Variants in SMYD3 observed in about 807,000 individuals in gnomAD.
The protein encoded by SMYD3 is histone-lysine N-methyltransferase SMYD3.
A neutral mutation model predicts 57.7 loss-of-function variants in SMYD3; 36 were observed. That is an observed-to-expected ratio of 0.62 (90% CI 0.48 to 0.82). The LOEUF is 0.82. SMYD3 is among the 40% of genes least tolerant of loss of function. The pLI, the probability that SMYD3 is intolerant of heterozygous loss-of-function variation, is 0.00. For synonymous variants in SMYD3, 211 were observed against 195.0 expected (o/e 1.08, Z -0.68); for missense variants, 515 against 538.8 (o/e 0.96, Z 0.44).
Position 246,202,970 on chromosome 1 carries a change from C to T in SMYD3, c.531+124231G>A, listed in dbSNP as rs2062943036. Among the ~76,000 whole-genome samples the T allele has an allele frequency of 1.3e-5, 2 of 151,966 alleles. No homozygotes were observed. Among genetic ancestry groups the T allele is most frequent in the Admixed American group, 1.3e-4 (2 of 15,260 alleles). ...GGAAAACCCGTCTCTACTAAAAATA[C>T]AAAATTTAGCTGGTCGTGGTGGTGG... On this transcript the variant is annotated intron_variant, in intron 5 of 11. Transcript: ENST00000490107. The surrounding 1 kb of genome is among the most constrained non-coding windows in gnomAD (Gnocchi z 4.1).
rs1169643864 is a variant in SMYD3, at chr1:246,327,325, A to C, written c.407T>G (p.Leu136Arg). ...GAGGCCCTCTTTCTTATCTTCAGTCAGTTTGTTAATATCTTTTTTAAAGAG... is the reference window on the plus strand; with the variant it reads ...GAGGCCCTCTTTCTTATCTTCAGTCCGTTTGTTAATATCTTTTTTAAAGAG... ...FYDLESNINKLTEDKKEGLRQ... is the reference protein window; with the variant it reads ...FYDLESNINKRTEDKKEGLRQ... The change falls in exon 5 of 12, where the codon CTG (leucine) becomes CGG (arginine). Residue 136 changes from leucine to arginine, a missense_variant. Leu to Arg is a moderately radical substitution (Grantham distance 102). Coordinates refer to ENST00000490107, the MANE Select transcript of SMYD3 (RefSeq NM_001167740.2). 3 of 1,611,586 alleles carry C rather than the reference A, an allele frequency of 1.9e-6. No individual in the cohort carries two copies. The South Asian group carries it at 3.3e-5, about 18-fold the overall frequency.
chr1:246,046,660 A>T (rs116462123), intron 5 of SMYD3, among the ~76,000 whole-genome samples: 20,490 of 147,464 alleles, frequency 0.14, 1,645 homozygotes, highest in East Asian at 0.39. Context: ...TATTTTATAT[A>T]TTTTTTTAAT....
chr1:245,839,573 T>C (rs1473378637), intron 10 of SMYD3, among the ~76,000 whole-genome samples: 4 of 148,874 alleles, frequency 2.7e-5, no homozygotes. Flanking sequence ...CCAAGGAGCA[T>C]AGTTTTCTGG....
chr1:246,002,254 G>C (rs536279515), intron 5 of SMYD3, among the ~76,000 whole-genome samples: 13 of 139,790 alleles, frequency 9.3e-5, no homozygotes, highest in Non-Finnish European at 1.9e-4. Context: ...GCGCGATCTC[G>C]GCTCACTGCA....
chr1:246,031,312 G>A (rs61839435), intron 5 of SMYD3, among the ~76,000 whole-genome samples: 12,950 of 151,942 alleles, frequency 0.085, 798 homozygotes, highest in Admixed American at 0.21. Flanking sequence ...ACCAACTTCT[G>A]GAATCTTATT....
chr1:246,383,332 G>C (rs1363231353), intron 1 of SMYD3, among the ~76,000 whole-genome samples: 1 of 152,140 alleles, frequency 6.6e-6, no homozygotes, highest in African/African-American at 2.4e-5. Context: ...ATCTTTCTGA[G>C]AACGTTCTCC....
chr1:246,291,184 A>C (rs1183611818), intron 5 of SMYD3, among the ~76,000 whole-genome samples: 2 of 152,178 alleles, frequency 1.3e-5, no homozygotes, highest in African/African-American at 4.8e-5. Context: ...CAGCTTGCTA[A>C]CAAATTAGGG....
intron 10 of SMYD3, among the ~76,000 whole-genome samples, chr1:245,811,202 C>T (rs929023805): frequency 6.6e-6 from 1 of 152,150 alleles, no homozygotes; most frequent in African/African-American, 2.4e-5. Flanking sequence ...GTAAACAGAG[C>T]GCTGAAGTGC....
At chr1:246,114,900 G>A (rs1375760013) in intron 5 of SMYD3, among the ~76,000 whole-genome samples, 1 of 105,832 alleles carries the variant, frequency 9.4e-6, no homozygotes, top group Non-Finnish European at 2.7e-5. Context: ...AAAGTACTAG[G>A]ATTACAGGCG....
chr1:246,251,188 G>A (rs1202180367), intron 5 of SMYD3, among the ~76,000 whole-genome samples: 1 of 152,192 alleles, frequency 6.6e-6, no homozygotes, highest in African/African-American at 2.4e-5. Flanking sequence ...TGGGAGCAGG[G>A]GTTGTGTTCC....
chr1:245,927,751 G>A (rs1286977898), intron 7 of SMYD3, among the ~76,000 whole-genome samples, 180 bp downstream of exon 7: 1 of 152,186 alleles, frequency 6.6e-6, no homozygotes, highest in East Asian at 1.9e-4. Context: ...TAGCCCATTT[G>A]TAATTTGGGA....
chr1:246,158,078 C>T (rs1161653101), intron 5 of SMYD3, among the ~76,000 whole-genome samples: 1 of 152,172 alleles, frequency 6.6e-6, no homozygotes, highest in Non-Finnish European at 1.5e-5. Flanking sequence ...GCTGGGGAAG[C>T]ACAGGTTTCA....
At position 245,989,694 on chromosome 1, in the gene SMYD3, A is replaced by G. The variant is rs183103996; in HGVS notation, c.532-59757T>C. Among the ~76,000 whole-genome samples the G allele has an allele frequency of 1.9e-3, 289 of 152,346 alleles. 2 individuals are homozygous for G. The highest frequency in any genetic ancestry group is 3.6e-3 in the Non-Finnish European group (246 of 68,030). ...AAACATTCTCCATCTTGCACTGCTG[A>G]TTTCCAATGACAAGTGGGGCTTCCC... On this transcript the variant is annotated intron_variant, in intron 5 of 11. Transcript: ENST00000490107.
intron 5 of SMYD3, among the ~76,000 whole-genome samples, chr1:245,966,529 A>G (rs1465159582): frequency 1.3e-5 from 2 of 152,234 alleles, no homozygotes; most frequent in African/African-American, 2.4e-5. Flanking sequence ...GTGAAAAACA[A>G]AGGCAAAAAG....
chr1:245,920,042 G>C (rs1002120604), intron 7 of SMYD3, among the ~76,000 whole-genome samples: 4 of 152,090 alleles, frequency 2.6e-5, no homozygotes, highest in East Asian at 1.9e-4. Context: ...GGCCGGCCAC[G>C]GTGGCTCACG....
rs140803609 is a variant in SMYD3 at position 246,432,679 on chromosome 1, T to C, written c.164+74375A>G. Reference sequence around the variant, plus strand: ...GCTCGCTTGGTCTTGACTGCCTAACTGATGGCAGACTATTATCTAAAGCAT... The same window carrying C: ...GCTCGCTTGGTCTTGACTGCCTAACCGATGGCAGACTATTATCTAAAGCAT... On this transcript the variant is annotated intron_variant, in intron 1 of 11. Transcript: ENST00000490107. Among the ~76,000 whole-genome samples the C allele has an allele frequency of 9.8e-4, 149 of 152,330 alleles. 1 individual carries two copies. In the East Asian group the frequency reaches 0.021, roughly 22 times the overall value.
chr1:245,938,954 T>C (rs1022376212), intron 5 of SMYD3, among the ~76,000 whole-genome samples: 1 of 152,054 alleles, frequency 6.6e-6, no homozygotes, highest in Non-Finnish European at 1.5e-5. Context: ...AAGACCACCC[T>C]GGCCAACATG....
intron 5 of SMYD3, chr1:246,188,934 T>C (rs2062689694): frequency 6.6e-6 from 1 of 150,524 alleles, no homozygotes; most frequent in African/African-American, 2.5e-5. Flanking sequence ...CACTCCAGCC[T>C]GCGTGACAGA....
intron 5 of SMYD3, among the ~76,000 whole-genome samples, chr1:246,190,205 C>T: frequency 6.6e-6 from 1 of 151,714 alleles, no homozygotes; most frequent in East Asian, 2.0e-4. Flanking sequence ...CAAAATAATA[C>T]TGCTTAACAA....
Sources: allele counts gnomAD v4.1 joint callset (sites outside exome capture counted in the v4.1 genomes callset), GRCh38; gene constraint gnomAD v4.1.1; non-coding constraint Gnocchi (gnomAD v3.1); transcripts MANE v1.5; gene names NCBI Gene and HGNC (gene_info 2026-07-23, HGNC 2026-07-21).